Variants in DNAH11 observed in about 807,000 individuals in gnomAD.
The protein encoded by DNAH11 is axonemal beta dynein heavy chain 11.
A neutral mutation model predicts 526.0 loss-of-function variants in DNAH11; 442 were observed. The ratio of observed to expected loss-of-function variants is 0.84; its 90% confidence interval spans 0.78 to 0.91. DNAH11 has a LOEUF of 0.91. Among genes scored for constraint, DNAH11 ranks in the 40% least tolerant of loss-of-function variants. The pLI is 0.00. For missense variants in DNAH11, 6,989 were observed against 5,448.7 expected (o/e 1.28, Z -8.90); for synonymous variants, 2,461 against 1,935.9 (o/e 1.27, Z -7.12).
intron 2 of DNAH11, among the ~76,000 whole-genome samples, chr7:21,550,824 A>T (rs1387249662): frequency 6.6e-6 from 1 of 152,226 alleles, no homozygotes; most frequent in African/African-American, 2.4e-5. Context: ...GCTTCCACCC[A>T]GCCAGAAAGG....
At chr7:21,824,539 G>A (rs1790193271) in intron 65 of DNAH11, among the ~76,000 whole-genome samples, 1 of 152,040 alleles carries the variant, frequency 6.6e-6, no homozygotes, top group African/African-American at 2.4e-5. Flanking sequence ...CCCATTAAAA[G>A]ATAAATAAAA....
intron 61 of DNAH11, among the ~76,000 whole-genome samples, chr7:21,789,697 T>G (rs939565986): frequency 6.6e-6 from 1 of 152,136 alleles, no homozygotes; most frequent in Non-Finnish European, 1.5e-5. Flanking sequence ...ACAAGGTAGT[T>G]AACCTCTATG....
intron 69 of DNAH11, among the ~76,000 whole-genome samples, chr7:21,862,780 A>G (rs1018924814): frequency 1.2e-4 from 19 of 152,160 alleles, no homozygotes; most frequent in Admixed American, 6.5e-4. Flanking sequence ...GACTTTGTTT[A>G]AATAAAAGCG....
At chr7:21,787,605 T>A in intron 60 of DNAH11, 22 bp downstream of exon 60, 1 of 1,572,964 alleles carries the variant, frequency 6.4e-7, no homozygotes, top group South Asian at 1.2e-5. Flanking sequence ...AAATTGATTG[T>A]TTACAGATGT....
chr7:21,842,398 T>C (rs932076958), intron 65 of DNAH11, 146 bp from the exon 66 acceptor site: 12 of 594,282 alleles, frequency 2.0e-5, no homozygotes, highest in Middle Eastern at 4.4e-4. Context: ...TGCTGTACTT[T>C]AGGAAATTTG....
At chr7:21,683,164 C>A (rs2128472839) in intron 31 of DNAH11, among the ~76,000 whole-genome samples, 1 of 151,838 alleles carries the variant, frequency 6.6e-6, no homozygotes, top group East Asian at 1.9e-4. Context: ...AGTCATCAGA[C>A]AAATTAGTAT....
At chr7:21,851,914 T>G (rs935490418) in intron 66 of DNAH11, among the ~76,000 whole-genome samples, 9 of 152,216 alleles carry the variant, frequency 5.9e-5, no homozygotes, top group African/African-American at 2.2e-4. Context: ...CTTAAACAGA[T>G]TCTTCCTGTG....
chr7:21,657,667 A>G (rs1478507425), intron 29 of DNAH11, among the ~76,000 whole-genome samples: 1 of 152,194 alleles, frequency 6.6e-6, no homozygotes, highest in Non-Finnish European at 1.5e-5. Context: ...AGTTACCCTT[A>G]GTTATTAAGG....
At chr7:21,593,421 G>C (rs62441722) in intron 14 of DNAH11, among the ~76,000 whole-genome samples, 1 of 152,062 alleles carries the variant, frequency 6.6e-6, no homozygotes, top group Non-Finnish European at 1.5e-5. Flanking sequence ...TCTGCTGTGT[G>C]GCAAACCAAC....
At chr7:21,595,605 G>A (rs940804542) in intron 14 of DNAH11, among the ~76,000 whole-genome samples, 2 of 152,172 alleles carry the variant, frequency 1.3e-5, no homozygotes, top group African/African-American at 4.8e-5. Flanking sequence ...GGGTATGAGA[G>A]GAAGAGACTT....
At chr7:21,779,167 G>C (rs1292167589) in intron 57 of DNAH11, 63 bp downstream of exon 57, 1 of 1,535,190 alleles carries the variant, frequency 6.5e-7, no homozygotes, top group Non-Finnish European at 8.8e-7. Context: ...ACCTTGGTAG[G>C]TGAACAATTT....
At chr7:21,768,133 T>C (rs12111611) in intron 55 of DNAH11, among the ~76,000 whole-genome samples, 19,415 of 152,232 alleles carry the variant, frequency 0.13, 1,882 homozygotes, top group African/African-American at 0.26. Flanking sequence ...CTTAAGTATT[T>C]ATCTGAAGAC....
chr7:21,887,711 A>G (rs1392257679), intron 76 of DNAH11, among the ~76,000 whole-genome samples: 3 of 152,224 alleles, frequency 2.0e-5, no homozygotes, highest in South Asian at 2.1e-4. Flanking sequence ...ATATTTGGCT[A>G]TACATTAATC....
chr7:21,564,040 T>TC, intron 5 of DNAH11, 146 bp from the exon 6 acceptor site: 1 of 532,636 alleles, frequency 1.9e-6, no homozygotes, highest in Non-Finnish European at 3.2e-6. Context: ...GTGTGTAGAT[T>TC]GTAGGATAAG....
chr7:21,651,683 G>A (rs1268514842), intron 28 of DNAH11, among the ~76,000 whole-genome samples: 1 of 152,214 alleles, frequency 6.6e-6, no homozygotes, highest in African/African-American at 2.4e-5. Context: ...TTCTCCCTGT[G>A]CAGAGTTCTG....
intron 25 of DNAH11, among the ~76,000 whole-genome samples, chr7:21,633,474 T>C (rs1472562952): frequency 1.3e-5 from 2 of 152,226 alleles, no homozygotes; most frequent in Non-Finnish European, 1.5e-5. Flanking sequence ...ATTTGATTTA[T>C]ATATTTAGGT....
chr7:21,704,044 G>A (rs1423657582), intron 37 of DNAH11, among the ~76,000 whole-genome samples: 1 of 152,206 alleles, frequency 6.6e-6, no homozygotes, highest in Admixed American at 6.5e-5. Flanking sequence ...AACTAAAAAT[G>A]TTTGAGATTA....
intron 63 of DNAH11, among the ~76,000 whole-genome samples, chr7:21,813,387 G>A (rs1204591375): frequency 6.6e-6 from 1 of 152,150 alleles, no homozygotes; most frequent in Non-Finnish European, 1.5e-5. Flanking sequence ...CAATAAAATA[G>A]AGATATCTAC....
At chr7:21,738,438 A>T (rs1037586192) in intron 46 of DNAH11, among the ~76,000 whole-genome samples, 1 of 152,168 alleles carries the variant, frequency 6.6e-6, no homozygotes, top group South Asian at 2.1e-4. Flanking sequence ...TGTGATGACA[A>T]TGTGATGTCA....
Sources: gnomAD v4.1 joint callset for allele counts (sites outside exome capture counted in the v4.1 genomes callset) on GRCh38, gnomAD v4.1.1 for gene constraint, MANE v1.5 for transcripts, NCBI Gene and HGNC (gene_info 2026-07-23, HGNC 2026-07-21) for gene names.